Variants in UGGT2 observed in about 807,000 individuals in gnomAD.
UGGT2 encodes UDP-glucose glycoprotein glucosyltransferase 2, also known as UDP-glucose:glycoprotein glucosyltransferase 2.
A neutral mutation model predicts 192.1 loss-of-function variants in UGGT2; 180 were observed. That is an observed-to-expected ratio of 0.94 (90% CI 0.83 to 1.06). The LOEUF (loss-of-function observed/expected upper bound fraction) is 1.06, where lower values mean the gene tolerates loss of function less well. Ranked by LOEUF, UGGT2 falls within the 50% of genes least tolerant of loss-of-function variation. The pLI is 0.00. For missense variants in UGGT2, 1,849 were observed against 1,795.7 expected (o/e 1.03, Z -0.54); for synonymous variants, 580 against 591.0 (o/e 0.98, Z 0.27).
intron 12 of UGGT2, among the ~76,000 whole-genome samples, chr13:95,959,735 C>G (rs2050328331): frequency 6.6e-6 from 1 of 152,182 alleles, no homozygotes; most frequent in East Asian, 1.9e-4. Flanking sequence ...GCCACAACCA[C>G]TGCTCAGGTG....
In UGGT2 at chr13:96,013,449, T is replaced by C; in HGVS notation, c.518A>G (p.Lys173Arg). The C allele has an allele frequency of 6.3e-7, 1 of 1,599,844 alleles. No homozygotes were observed. The highest frequency in any genetic ancestry group is 1.1e-5 in the South Asian group (1 of 87,598). The change falls in exon 5 of 39, where the codon AAA becomes AGA. Residue 173 changes from lysine to arginine, a missense_variant. Physicochemically the swap from Lys to Arg is conservative, Grantham distance 26 (BLOSUM62 2). Coordinates refer to ENST00000376747, the MANE Select transcript of UGGT2 (RefSeq NM_020121.4). ...TAAGTTCTCTTTGTTTGTAGGAAAT[T>C]TGTGATCTCCTTTAAATAGATAAGG... Reference protein sequence around the residue: ...TRPYLFKGDHKFPTNKENLPV... With the variant: ...TRPYLFKGDHRFPTNKENLPV...
intron 26 of UGGT2, 143 bp from the exon 27 acceptor site, chr13:95,884,823 T>A: frequency 2.7e-6 from 2 of 731,564 alleles, no homozygotes; most frequent in Non-Finnish European, 4.3e-6. Context: ...GCAGAAAAGT[T>A]AATGCTTATG....
intron 25 of UGGT2, among the ~76,000 whole-genome samples, chr13:95,888,491 T>G (rs921379022): frequency 6.6e-6 from 1 of 152,168 alleles, no homozygotes; most frequent in African/African-American, 2.4e-5. Flanking sequence ...TCAGTGAAGA[T>G]TCTAAAGCTG....
chr13:95,987,137 A>G (rs530187691), intron 8 of UGGT2, among the ~76,000 whole-genome samples: 5 of 152,240 alleles, frequency 3.3e-5, no homozygotes, highest in East Asian at 1.9e-4. Flanking sequence ...AACCATCTGG[A>G]TATCTTACAA....
At chr13:95,871,569 A>G (rs567316730) in intron 29 of UGGT2, among the ~76,000 whole-genome samples, 7 of 152,340 alleles carry the variant, frequency 4.6e-5, no homozygotes, top group Middle Eastern at 3.4e-3. Flanking sequence ...TTAGAAGTGT[A>G]CATGGAGCAG....
chr13:95,820,153 A>T (rs1423932937), intron 38 of UGGT2, among the ~76,000 whole-genome samples: 1 of 151,228 alleles, frequency 6.6e-6, no homozygotes, highest in Admixed American at 6.6e-5. Flanking sequence ...ACTGTCTCAA[A>T]AAATAAATAA....
chr13:95,851,210 G>C (rs998264250), intron 36 of UGGT2, among the ~76,000 whole-genome samples: 1 of 152,226 alleles, frequency 6.6e-6, no homozygotes, highest in Non-Finnish European at 1.5e-5. Context: ...TTTGCTGATG[G>C]AGGGAATGGT....
intron 17 of UGGT2, among the ~76,000 whole-genome samples, chr13:95,935,104 C>T (rs1285360931): frequency 6.6e-6 from 1 of 152,074 alleles, no homozygotes; most frequent in Non-Finnish European, 1.5e-5. Flanking sequence ...ACTTTGAGCC[C>T]GTCTCCTGTA....
At chr13:95,812,882 TGATTG>T (rs1385823675) in intron 38 of UGGT2, among the ~76,000 whole-genome samples, 1 of 152,184 alleles carries the variant, frequency 6.6e-6, no homozygotes, top group Non-Finnish European at 1.5e-5. Flanking sequence ...GTTCTAAAGC[TGATTG>T]CCGTGATGGA....
At chr13:95,825,677 C>A (rs976518020) in intron 38 of UGGT2, among the ~76,000 whole-genome samples, 6 of 152,128 alleles carry the variant, frequency 3.9e-5, no homozygotes, top group Non-Finnish European at 8.8e-5. Context: ...CAGTGGTGGA[C>A]AAGGTGGGAA....
intron 12 of UGGT2, among the ~76,000 whole-genome samples, chr13:95,952,685 A>G (rs2050103784): frequency 6.6e-6 from 1 of 152,190 alleles, no homozygotes; most frequent in Non-Finnish European, 1.5e-5. Context: ...AGTCACGAGG[A>G]AAAAGTGAGT....
chr13:95,858,837 T>C (rs773321807), intron 33 of UGGT2, among the ~76,000 whole-genome samples: 10 of 152,158 alleles, frequency 6.6e-5, no homozygotes, highest in East Asian at 5.8e-4. Context: ...TGAAAAACAA[T>C]TGAATAACGT....
intron 5 of UGGT2, among the ~76,000 whole-genome samples, chr13:96,008,045 T>A (rs1452583366): frequency 6.6e-6 from 1 of 152,198 alleles, no homozygotes; most frequent in Admixed American, 6.5e-5. Flanking sequence ...TCAAAATTGA[T>A]TGAAGACTCA....
At chr13:96,051,617 C>T (rs2053488270) in intron 1 of UGGT2, among the ~76,000 whole-genome samples, 1 of 150,954 alleles carries the variant, frequency 6.6e-6, no homozygotes, top group Non-Finnish European at 1.5e-5. Context: ...TATCCAGAAT[C>T]TACAAGGAAC....
At chr13:95,968,790 A>G (rs1263894118) in intron 12 of UGGT2, among the ~76,000 whole-genome samples, 1 of 152,142 alleles carries the variant, frequency 6.6e-6, no homozygotes, top group East Asian at 1.9e-4. Flanking sequence ...ATGGCCTAAT[A>G]CATGTGCTAT....
At chr13:95,853,413 AATAG>A (rs747267052) in intron 36 of UGGT2, 126 bp downstream of exon 36, 206 of 614,328 alleles carry the variant, frequency 3.4e-4, no homozygotes, top group African/African-American at 2.0e-3. Context: ...AGAAATATCC[AATAG>A]ATAATTACAT....
intron 38 of UGGT2, among the ~76,000 whole-genome samples, chr13:95,822,103 G>C (rs1360646760): frequency 2.0e-5 from 3 of 152,088 alleles, no homozygotes. Flanking sequence ...TGTGAAAAAT[G>C]ATAGGGTATT....
chr13:95,832,112 C>A (rs1886770869), intron 38 of UGGT2, among the ~76,000 whole-genome samples: 1 of 149,950 alleles, frequency 6.7e-6, no homozygotes, highest in South Asian at 2.1e-4. Flanking sequence ...TATACATAAT[C>A]ATTTCGGCTT....
chr13:95,876,055 TTAAAATAATTGTTAAAAAAA>T (rs1594208883), intron 29 of UGGT2, among the ~76,000 whole-genome samples: 1 of 139,132 alleles, frequency 7.2e-6, no homozygotes, highest in African/African-American at 2.6e-5. Context: ...TTTTTACACT[TTAAAATAATTGTTAAAAAAA>T]TAATTTTGAC....
Sources: allele counts gnomAD v4.1 joint callset (sites outside exome capture counted in the v4.1 genomes callset), GRCh38; gene constraint gnomAD v4.1.1; transcripts MANE v1.5; gene names NCBI Gene and HGNC (gene_info 2026-07-23, HGNC 2026-07-21).